GXYLT1: variants seen among roughly 807,000 people sequenced by gnomAD.
GXYLT1 encodes glucoside xylosyltransferase 1.
Under a neutral mutation model 54.0 loss-of-function variants are expected in GXYLT1, and 29 were observed. The ratio of observed to expected loss-of-function variants is 0.54; its 90% confidence interval spans 0.40 to 0.73. The LOEUF is 0.73. Ranked by LOEUF, GXYLT1 falls within the 30% of genes least tolerant of loss-of-function variation. The pLI, the probability that GXYLT1 is intolerant of heterozygous loss-of-function variation, is 0.00. For missense variants in GXYLT1, 490 were observed against 553.4 expected, an observed-to-expected ratio of 0.89 and a Z score of 1.15; for synonymous variants, 176 against 204.1, an observed-to-expected ratio of 0.86 and a Z score of 1.17.
chr12:42,116,470 T>C (rs1317919207), intron 3 of GXYLT1, among the ~76,000 whole-genome samples: 1 of 152,182 alleles, frequency 6.6e-6, no homozygotes, highest in Non-Finnish European at 1.5e-5. Flanking sequence ...GGGCGAAGGA[T>C]ATCAACAGAC....
intron 1 of GXYLT1, among the ~76,000 whole-genome samples, chr12:42,136,676 G>A (rs1178806200): frequency 6.6e-6 from 1 of 152,054 alleles, no homozygotes; most frequent in East Asian, 1.9e-4. Context: ...GTATTTACAT[G>A]TGATAAAACA....
chr12:42,089,009 TA>T (rs2065313817), intron 7 of GXYLT1, among the ~76,000 whole-genome samples: 1 of 152,054 alleles, frequency 6.6e-6, no homozygotes. Flanking sequence ...AAAGAGATCC[TA>T]AACTTTGGCA....
At chr12:42,089,753 C>T (rs1318296017) in intron 7 of GXYLT1, among the ~76,000 whole-genome samples, 7 of 152,078 alleles carry the variant, frequency 4.6e-5, no homozygotes, top group South Asian at 2.1e-4. Flanking sequence ...TGTTGAAGGA[C>T]GAAGCTCAAT....
chr12:42,104,181 T>A (rs1406312007), intron 5 of GXYLT1, among the ~76,000 whole-genome samples: 2 of 152,178 alleles, frequency 1.3e-5, no homozygotes, highest in Non-Finnish European at 2.9e-5. Context: ...GGTGTTATAT[T>A]ATCTCTATAG....
chr12:42,120,907 T>C (rs1015580931), intron 2 of GXYLT1, among the ~76,000 whole-genome samples: 3 of 152,182 alleles, frequency 2.0e-5, no homozygotes, highest in Non-Finnish European at 4.4e-5. Flanking sequence ...GTCTCTTCCC[T>C]TGTTTGTACC....
At position 42,101,728 on chromosome 12, in the gene GXYLT1, T is replaced by C. The variant is rs535740712; in HGVS notation, c.865-3695A>G. Reference sequence around the variant, plus strand: ...CTGGAATTACAGGCACCTGCCACCATGCCTGGCTAATTTTTGTATTTTTAG... The same window carrying C: ...CTGGAATTACAGGCACCTGCCACCACGCCTGGCTAATTTTTGTATTTTTAG... On this transcript the variant is annotated intron_variant, in intron 5 of 7. Coordinates refer to ENST00000398675, the MANE Select transcript of GXYLT1 (RefSeq NM_173601.2). Among the ~76,000 whole-genome samples the C allele has an allele frequency of 3.9e-5, 6 of 152,180 alleles. No homozygotes were observed. The East Asian group carries it at 1.2e-3, about 29-fold the overall frequency.
At chr12:42,132,556 T>C (rs1220829818) in intron 1 of GXYLT1, among the ~76,000 whole-genome samples, 1 of 152,214 alleles carries the variant, frequency 6.6e-6, no homozygotes, top group African/African-American at 2.4e-5. Flanking sequence ...ATTTCAAAAA[T>C]ATCTTCCTAC....
At position 42,081,959 on chromosome 12, in the gene GXYLT1, A is replaced by G. The variant is rs1388185099; in HGVS notation, c.*5827T>C. On this transcript the variant is annotated 3_prime_UTR_variant, in exon 8 of 8. Coordinates refer to ENST00000398675, the MANE Select transcript of GXYLT1 (RefSeq NM_173601.2). ...CTAAGGCAGGACGAAGCAACTTTCCATTATTCTTAGTTTAGACCAGAATCT... is the reference window on the plus strand; with the variant it reads ...CTAAGGCAGGACGAAGCAACTTTCCGTTATTCTTAGTTTAGACCAGAATCT... The G allele has an allele frequency of 6.6e-6, 1 of 152,256 alleles. No individual in the cohort carries two copies. Among genetic ancestry groups the G allele is most frequent in the Non-Finnish European group, 1.5e-5 (1 of 68,042 alleles). 9.4% of individuals were successfully genotyped at this position (152,256 alleles called of 1,614,324 possible). A position where few individuals can be genotyped will look rare whatever the true frequency, so the allele number is the denominator to read the frequency against.
chr12:42,122,748 G>A (rs763482137), intron 2 of GXYLT1, among the ~76,000 whole-genome samples: 1 of 152,110 alleles, frequency 6.6e-6, no homozygotes, highest in Non-Finnish European at 1.5e-5. Flanking sequence ...CATTGTAACA[G>A]ATAATCTGGA....
chr12:42,089,342 T>G (rs7967605), intron 7 of GXYLT1, among the ~76,000 whole-genome samples: 22 of 57,848 alleles, frequency 3.8e-4, no homozygotes, highest in South Asian at 1.4e-3. Context: ...TGTTGTGGGG[T>G]GGGGGGAGGG....
chr12:42,143,115 G>C (rs901304910), intron 1 of GXYLT1, among the ~76,000 whole-genome samples: 25 of 152,100 alleles, frequency 1.6e-4, no homozygotes, highest in African/African-American at 5.8e-4. Context: ...AAATATCTAA[G>C]ACCAAGGCAC....
In GXYLT1 at chr12:42,109,018, T is replaced by C. The variant is rs187206496; in HGVS notation, c.612+548A>G. ...TATAAAAAAGAAAAAAAAATCAAGG[T>C]TTATCATAGAACATTACCAAAGAAC... On this transcript the variant is annotated intron_variant, in intron 4 of 7. Coordinates refer to ENST00000398675, the MANE Select transcript of GXYLT1 (RefSeq NM_173601.2). Among the ~76,000 whole-genome samples the C allele has an allele frequency of 1.0e-3, 152 of 152,176 alleles. 2 individuals carry two copies. The highest frequency in any genetic ancestry group is 3.5e-3 in the African/African-American group (146 of 41,520).
chr12:42,097,168 T>TC (rs2136879332), intron 7 of GXYLT1, among the ~76,000 whole-genome samples: 1 of 151,876 alleles, frequency 6.6e-6, no homozygotes, highest in South Asian at 2.1e-4. Flanking sequence ...TATTCTTAGT[T>TC]TAAAAAAAAA....
intron 4 of GXYLT1, among the ~76,000 whole-genome samples, chr12:42,108,595 T>C (rs1167087829): frequency 6.6e-6 from 1 of 152,160 alleles, no homozygotes; most frequent in East Asian, 1.9e-4. Flanking sequence ...CTTATTTGTG[T>C]GCTTTTTACA....
At position 42,109,645 on chromosome 12, in the gene GXYLT1, G is replaced by T. The variant is rs781753619; in HGVS notation, c.533C>A (p.Pro178His). Residue 178 changes from proline (P) to histidine (H), a missense_variant, in exon 4 of 8, where the codon CCC becomes CAC. Pro to His is a moderately conservative substitution (Grantham distance 77, BLOSUM62 -2). Around this residue, in one of 2 missense-constraint regions of GXYLT1, gnomAD observed 342 missense variants for 342.6 expected, o/e 1.00. Coordinates refer to ENST00000398675, the MANE Select transcript of GXYLT1 (RefSeq NM_173601.2). ...TGCATTCTCACTTGGAAAGGTTATGGGGTATAACGTATAATTAAATGTTTG... is the reference window on the plus strand; with the variant it reads ...TGCATTCTCACTTGGAAAGGTTATGTGGTATAACGTATAATTAAATGTTTG... ...FLQTFNYTLY[P>H]ITFPSENAAE... 1.3e-6 allele frequency: 2 copies of T among 1,578,296 alleles called. No homozygotes were observed. Among genetic ancestry groups the T allele is most frequent in the Middle Eastern group, 1.7e-4 (1 of 5,994 alleles).
chr12:42,121,869 C>A (rs916696289), intron 2 of GXYLT1, among the ~76,000 whole-genome samples: 1 of 151,870 alleles, frequency 6.6e-6, no homozygotes, highest in Non-Finnish European at 1.5e-5. Context: ...ACAAAAAACA[C>A]GGTTAAAAGA....
intron 3 of GXYLT1, among the ~76,000 whole-genome samples, chr12:42,111,863 G>A (rs958419166): frequency 3.9e-5 from 6 of 152,314 alleles, no homozygotes; most frequent in Non-Finnish European, 7.4e-5. Context: ...TGAACCCTGA[G>A]TAGCCTAACT....
intron 2 of GXYLT1, among the ~76,000 whole-genome samples, chr12:42,124,875 C>A (rs1271683940): frequency 6.6e-6 from 1 of 152,170 alleles, no homozygotes; most frequent in Non-Finnish European, 1.5e-5. Flanking sequence ...AAGAGGCTCA[C>A]AACGCAAACA....
chr12:42,098,632 G>C (rs1016225289), intron 5 of GXYLT1, among the ~76,000 whole-genome samples: 1 of 151,382 alleles, frequency 6.6e-6, no homozygotes, highest in Non-Finnish European at 1.5e-5. Flanking sequence ...AAATGTATGA[G>C]TTTTGTGTCT....
Sources: gnomAD v4.1 joint callset for allele counts (sites outside exome capture counted in the v4.1 genomes callset) on GRCh38, gnomAD v4.1.1 for gene constraint, gnomAD v4.1.1 regional missense constraint, MANE v1.5 for transcripts, NCBI Gene and HGNC (gene_info 2026-07-23, HGNC 2026-07-21) for gene names.